SAXO1: variants seen among roughly 807,000 people sequenced by gnomAD.
SAXO1 encodes the protein stabilizer of axonemal microtubules 1.
SAXO1 carries 21 observed loss-of-function variants against 17.5 expected under a neutral mutation model. That is an observed-to-expected ratio of 1.20 (90% CI 0.85 to 1.72). The LOEUF (loss-of-function observed/expected upper bound fraction) is 1.72, where lower values mean the gene tolerates loss of function less well. Ranked by LOEUF, SAXO1 falls within the 40% of genes most tolerant of loss-of-function variation. The probability of loss-of-function intolerance (pLI) is 0.00; values close to 1 mark genes in which losing one functional copy is unlikely to be tolerated. For synonymous variants in SAXO1, 274 were observed against 216.5 expected (o/e 1.27, Z -2.33); for missense variants, 843 against 596.0 (o/e 1.41, Z -4.32).
At chr9:19,016,240 G>A (rs117930761) in intron 1 of SAXO1, among the ~76,000 whole-genome samples, 2,360 of 152,086 alleles carry the variant, frequency 0.016, 35 homozygotes, top group South Asian at 0.05. Context: ...GTTCGAGACC[G>A]GCCTGACGAA....
chr9:18,939,215 T>C (rs1477987898), intron 3 of SAXO1, among the ~76,000 whole-genome samples: 1 of 152,234 alleles, frequency 6.6e-6, no homozygotes, highest in East Asian at 1.9e-4. Flanking sequence ...ACTAGCTCAA[T>C]GTCTGTGCTG....
chr9:18,937,284 A>T (rs1012912058), intron 3 of SAXO1, among the ~76,000 whole-genome samples: 2 of 152,178 alleles, frequency 1.3e-5, no homozygotes, highest in African/African-American at 4.8e-5. Flanking sequence ...CCCACAGGGT[A>T]ATAGCCTGGG....
chr9:19,013,219 A>C (rs1480813441), intron 1 of SAXO1, among the ~76,000 whole-genome samples: 1 of 152,186 alleles, frequency 6.6e-6, no homozygotes, highest in Admixed American at 6.5e-5. Context: ...TAACAGCACA[A>C]GGCATAAGGC....
chr9:18,928,357 T>G lies in SAXO1; in HGVS notation c.1120A>C (p.Thr374Pro). Residue 374 changes from threonine to proline, a missense_variant, in exon 4 of 4, where the codon ACT becomes CCT. By Grantham distance (38) the Thr-to-Pro change is conservative. Coordinates refer to ENST00000380534, the MANE Select transcript of SAXO1 (RefSeq NM_153707.4). ...AGGTGGGGCACATAGTGGGCCCGAG[T>G]GGTGGTCAGGCAGTCCAGGGGCTCG... ...PTEPLDCLTT[T>P]RAHYVPHLPI... 1 of 1,612,012 alleles carries G rather than the reference T, an allele frequency of 6.2e-7. No individual in the cohort carries two copies. Among genetic ancestry groups the G allele is most frequent in the East Asian group, 2.2e-5 (1 of 44,768 alleles).
At chr9:19,023,054 C>T (rs904333383) in intron 1 of SAXO1, among the ~76,000 whole-genome samples, 2 of 152,120 alleles carry the variant, frequency 1.3e-5, no homozygotes, top group African/African-American at 4.8e-5. Context: ...GGCAGAGAGC[C>T]TCCCAGAGTA....
chr9:19,020,366 C>G (rs1835170106), intron 1 of SAXO1, among the ~76,000 whole-genome samples: 1 of 145,824 alleles, frequency 6.9e-6, no homozygotes, highest in Non-Finnish European at 1.5e-5. Context: ...TTTTGTGAGA[C>G]AGGGTCTTGC....
chr9:18,950,926 C>T lies in SAXO1; in HGVS notation c.50G>A (p.Cys17Tyr), dbSNP rs577515210. The change falls in exon 2 of 4, where the codon TGT becomes TAT. Residue 17 changes from cysteine (C) to tyrosine (Y), a missense_variant. Coordinates refer to ENST00000380534, the MANE Select transcript of SAXO1 (RefSeq NM_153707.4). The stretch of plus-strand genomic sequence containing the variant: ...ATAAATCTTGGTAGGGAGATGTGGA[C>T]AGTGATGCCGCCTATAAAAGACACA... ...CELCSCGRHH[C>Y]PHLPTKIYDK... 10 of 1,611,922 alleles carry T rather than the reference C, an allele frequency of 6.2e-6. No individual in the cohort carries two copies. Among genetic ancestry groups the T allele is most frequent in the African/African-American group, 1.3e-5 (1 of 74,980 alleles).
chr9:19,019,445 C>T (rs1477308300), intron 1 of SAXO1, among the ~76,000 whole-genome samples: 1 of 151,776 alleles, frequency 6.6e-6, no homozygotes, highest in African/African-American at 2.4e-5. Flanking sequence ...AAGTATACTT[C>T]GGCCGGACAA....
chr9:18,954,980 A>G (rs1832198854), intron 1 of SAXO1, among the ~76,000 whole-genome samples: 1 of 152,176 alleles, frequency 6.6e-6, no homozygotes, highest in South Asian at 2.1e-4. Flanking sequence ...ATGGAAATAG[A>G]ATGCAAGCCA....
intron 2 of SAXO1, among the ~76,000 whole-genome samples, chr9:18,950,198 T>G (rs1831972215): frequency 6.6e-6 from 1 of 152,218 alleles, no homozygotes; most frequent in Admixed American, 6.5e-5. Context: ...CTAAACAATC[T>G]TAGTTTGGGA....
At chr9:19,036,397 T>C (rs186666001), upstream of SAXO1, among the ~76,000 whole-genome samples, 6 of 152,260 alleles carry the variant, frequency 3.9e-5, no homozygotes, top group African/African-American at 1.4e-4. Context: ...AAATGTCTCC[T>C]GGGCATGTCA....
chr9:18,980,540 G>GGGAC (rs1833334328), intron 1 of SAXO1, among the ~76,000 whole-genome samples: 1 of 142,060 alleles, frequency 7.0e-6, no homozygotes, highest in African/African-American at 2.6e-5. Context: ...GGGGGAGGGA[G>GGGAC]GGAGGGAGGG....
At chr9:18,951,599 C>T (rs1258509357) in intron 1 of SAXO1, among the ~76,000 whole-genome samples, 1 of 152,108 alleles carries the variant, frequency 6.6e-6, no homozygotes, top group Non-Finnish European at 1.5e-5. Flanking sequence ...CAGGATCCAC[C>T]TCGCCGTCGT....
chr9:18,954,554 A>G (rs1832172772), intron 1 of SAXO1, among the ~76,000 whole-genome samples: 1 of 152,094 alleles, frequency 6.6e-6, no homozygotes, highest in South Asian at 2.1e-4. Context: ...CCAAGCTGGT[A>G]TCGAACTCCT....
At chr9:18,984,034 TCATCTCCTTATA>T (rs1236931882) in intron 1 of SAXO1, among the ~76,000 whole-genome samples, 21 of 146,546 alleles carry the variant, frequency 1.4e-4, no homozygotes, top group African/African-American at 5.3e-4. Flanking sequence ...TAGACAATAT[TCATCTCCTTATA>T]CATCTCCATC....
intron 1 of SAXO1, among the ~76,000 whole-genome samples, chr9:18,975,195 C>G (rs1833091777): frequency 6.6e-6 from 1 of 150,900 alleles, no homozygotes; most frequent in African/African-American, 2.4e-5. Flanking sequence ...GCTGGGGAAG[C>G]AAGGAGGCTG....
chr9:18,931,272 T>C (rs926480111), intron 3 of SAXO1, among the ~76,000 whole-genome samples: 1 of 152,202 alleles, frequency 6.6e-6, no homozygotes, highest in Non-Finnish European at 1.5e-5. Context: ...TCACCCAATA[T>C]GTAGCGTTTT....
chr9:19,025,802 A>C (rs1475197341), intron 1 of SAXO1, among the ~76,000 whole-genome samples: 1 of 152,214 alleles, frequency 6.6e-6, no homozygotes, highest in Non-Finnish European at 1.5e-5. Context: ...ATTTTAGAAA[A>C]AGTAGTGTTA....
At chr9:18,948,005 G>C (rs780256134) in intron 2 of SAXO1, among the ~76,000 whole-genome samples, 4 of 152,142 alleles carry the variant, frequency 2.6e-5, no homozygotes, top group African/African-American at 9.7e-5. Flanking sequence ...CAGAAACTAA[G>C]CAGGGTCACT....
Sources: gnomAD v4.1 joint callset for allele counts (sites outside exome capture counted in the v4.1 genomes callset) on GRCh38, gnomAD v4.1.1 for gene constraint, MANE v1.5 for transcripts, NCBI Gene and HGNC (gene_info 2026-07-23, HGNC 2026-07-21) for gene names.